The following TP73 variants were observed in gnomAD, a reference collection of about 807,000 sequenced individuals.
The protein encoded by TP73 is p53-like transcription factor.
A neutral mutation model predicts 62.5 loss-of-function variants in TP73; 25 were observed. The observed-to-expected ratio is 0.40, with a 90% CI of 0.29 to 0.56. TP73 has a LOEUF of 0.56. Ranked by LOEUF, TP73 falls within the 20% of genes least tolerant of loss-of-function variation. The pLI is 0.46. For synonymous variants in TP73, 423 were observed against 377.5 expected (o/e 1.12, Z -1.40); for missense variants, 754 against 913.3 (o/e 0.83, Z 2.25).
In TP73 at chr1:3,730,249, GTC is replaced by G. The variant is rs1642027330; in HGVS notation, c.1345+105_1345+106del. ...ACCCAGCTCGGGACCCAGGGCAGGT[GTC>G]TCTGTGGCTGGCTCCTTCCAGCGGT... On this transcript the variant is annotated intron_variant, in intron 11 of 13. Transcript: ENST00000378295. 3.8e-6 allele frequency: 5 copies of G among 1,324,282 alleles called. No individual in the cohort carries two copies. In the East Asian group the frequency reaches 1.3e-4, roughly 35 times the overall value. 82.0% of individuals were successfully genotyped at this position (1,324,282 alleles called of 1,614,324 possible).
At chr1:3,695,666 G>C (rs910491302) in intron 3 of TP73, among the ~76,000 whole-genome samples, 6 of 152,256 alleles carry the variant, frequency 3.9e-5, no homozygotes, top group African/African-American at 1.4e-4. Context: ...GCCCTGGGGC[G>C]GGGGGAAGCC....
chr1:3,705,954 G>A (rs1639588884), intron 3 of TP73, among the ~76,000 whole-genome samples: 1 of 152,234 alleles, frequency 6.6e-6, no homozygotes, highest in Non-Finnish European at 1.5e-5. Flanking sequence ...GCAGGAAGGG[G>A]CTGAGCCTGG....
Position 3,733,977 on chromosome 1 carries a change from C to T in TP73, c.*898C>T, listed in dbSNP as rs1451191396. On this transcript the variant is annotated 3_prime_UTR_variant, in exon 14 of 14. Coordinates refer to ENST00000378295, the MANE Select transcript of TP73 (RefSeq NM_005427.4). ...GCATTCTCTTTGGAGTTCAACCTAG[C>T]GCCCATGAGCCAGGCTGAGGAAGCT... is the stretch of plus-strand genomic sequence containing the variant. The T allele has an allele frequency of 3.4e-5, 5 of 148,318 alleles. No homozygotes were observed. In the East Asian group the frequency reaches 5.9e-4, roughly 17 times the overall value. 9.2% of individuals were successfully genotyped at this position (148,318 alleles called of 1,614,324 possible).
rs923973900 is a variant in TP73, at chr1:3,670,252, G to A, written c.-33-12081G>A. Among the ~76,000 whole-genome samples the A allele has an allele frequency of 1.4e-4, 21 of 152,006 alleles. No homozygotes were observed. Among genetic ancestry groups the A allele is most frequent in the African/African-American group, 4.4e-4 (18 of 41,368 alleles). On this transcript the variant is annotated intron_variant, in intron 1 of 13. Coordinates refer to ENST00000378295, the MANE Select transcript of TP73 (RefSeq NM_005427.4). This position sits in a 1 kb window ranked among gnomAD's most constrained non-coding sequence, Gnocchi z 5.9. Reference sequence around the variant, plus strand: ...GTAAGGCAGGGATGATGATGGGGCCGGGGGACCACATGGGCACAGGCTTCT... The same window carrying A: ...GTAAGGCAGGGATGATGATGGGGCCAGGGGACCACATGGGCACAGGCTTCT...
chr1:3,717,459 G>T (rs983648032), intron 4 of TP73, among the ~76,000 whole-genome samples: 2 of 152,268 alleles, frequency 1.3e-5, no homozygotes, highest in Non-Finnish European at 2.9e-5. Flanking sequence ...GCGGCTCCGT[G>T]TCAACAGCCG....
chr1:3,662,518 CAG>C lies in TP73; in HGVS notation c.-34+9880_-34+9881del, dbSNP rs540115655. 5.3e-5 allele frequency among the ~76,000 whole-genome samples: 8 copies of C among 152,320 alleles called. No individual in the cohort carries two copies. The East Asian group carries it at 1.5e-3, about 29-fold the overall frequency. On this transcript the variant is annotated intron_variant, in intron 1 of 13. Coordinates refer to ENST00000378295, the MANE Select transcript of TP73 (RefSeq NM_005427.4). The surrounding 1 kb of genome is among the most constrained non-coding windows in gnomAD (Gnocchi z 4.4). ...CGCGGACATGCGTCTCTCAGGCGAT[CAG>C]AGTTACCTGGAGCCGCTCTCCTCCC...
At chr1:3,680,028 T>G (rs1025927209) in intron 1 of TP73, among the ~76,000 whole-genome samples, 3 of 152,130 alleles carry the variant, frequency 2.0e-5, no homozygotes, top group Admixed American at 6.5e-5. Flanking sequence ...TCTCTCTCTC[T>G]GTCTCTCTCT....
intron 1 of TP73, among the ~76,000 whole-genome samples, chr1:3,653,964 A>G (rs1644812675): frequency 6.6e-6 from 1 of 152,214 alleles, no homozygotes; most frequent in Non-Finnish European, 1.5e-5. Flanking sequence ...ACCTGAGGTC[A>G]GGAGTTCGAG....
intron 4 of TP73, among the ~76,000 whole-genome samples, chr1:3,718,816 C>T (rs1411600718): frequency 4.6e-5 from 7 of 152,120 alleles, no homozygotes; most frequent in South Asian, 2.1e-4. Flanking sequence ...GAAGAAGCCT[C>T]GGGGGACTCA....
At chr1:3,715,287 C>T (rs745376427) in intron 4 of TP73, among the ~76,000 whole-genome samples, 4 of 152,032 alleles carry the variant, frequency 2.6e-5, no homozygotes, top group Admixed American at 1.3e-4. Context: ...TTCTGGAACC[C>T]GGGGTGACGC....
At chr1:3,657,616 G>A (rs1014861649) in intron 1 of TP73, among the ~76,000 whole-genome samples, 10 of 152,158 alleles carry the variant, frequency 6.6e-5, no homozygotes, top group African/African-American at 7.2e-5. Flanking sequence ...ACATTCTCCC[G>A]GACAAGGCGT....
At chr1:3,703,704 C>T (rs949934468) in intron 3 of TP73, among the ~76,000 whole-genome samples, 1 of 152,254 alleles carries the variant, frequency 6.6e-6, no homozygotes, top group African/African-American at 2.4e-5. Context: ...GGGCTTTTTG[C>T]CCCACTGGCT....
intron 7 of TP73, 107 bp from the exon 8 acceptor site, chr1:3,727,521 G>C (rs10910017): frequency 6.1e-6 from 9 of 1,468,844 alleles, no homozygotes; most frequent in Non-Finnish European, 7.3e-6. Flanking sequence ...TGTGGTGACC[G>C]AGGGCTCTCA....
chr1:3,702,491 C>CA (rs547390815), intron 3 of TP73, among the ~76,000 whole-genome samples: 9 of 151,566 alleles, frequency 5.9e-5, no homozygotes, highest in Middle Eastern at 3.4e-3. Flanking sequence ...CCCCAGCCCC[C>CA]AGCCCAGAGC....
At chr1:3,661,537 C>T (rs995523154) in intron 1 of TP73, among the ~76,000 whole-genome samples, 31 of 151,614 alleles carry the variant, frequency 2.0e-4, no homozygotes, top group South Asian at 1.2e-3. Context: ...GGCAAAACCC[C>T]GTCTCTACCA....
intron 6 of TP73, 58 bp downstream of exon 6, chr1:3,723,527 AGGGGT>A: frequency 1.3e-6 from 1 of 768,878 alleles, no homozygotes; most frequent in Non-Finnish European, 2.2e-6. Context: ...GGGTCGGGGG[AGGGGT>A]CCCCTGAGGC....
chr1:3,663,393 T>G lies in TP73; in HGVS notation c.-34+10752T>G, dbSNP rs1645038396. ...TCTGCATATTTTCCTCCTGGGTTTG[T>G]GGGGTGTGGACAGCACGGAGCGTGA... On this transcript the variant is annotated intron_variant, in intron 1 of 13. Coordinates refer to ENST00000378295, the MANE Select transcript of TP73 (RefSeq NM_005427.4). The surrounding 1 kb of genome is among the most constrained non-coding windows in gnomAD (Gnocchi z 4.7). 6.6e-6 allele frequency among the ~76,000 whole-genome samples: 1 copy of G among 152,034 alleles called. No homozygotes were observed. The highest frequency in any genetic ancestry group is 2.4e-5 in the African/African-American group (1 of 41,382).
chr1:3,705,468 C>T (rs968171540), intron 3 of TP73, among the ~76,000 whole-genome samples: 2 of 152,224 alleles, frequency 1.3e-5, no homozygotes, highest in African/African-American at 2.4e-5. Context: ...GTGGGCTCCC[C>T]AGGTTGACAG....
intron 3 of TP73, among the ~76,000 whole-genome samples, chr1:3,690,336 C>T (rs1645780976): frequency 6.6e-6 from 1 of 152,152 alleles, no homozygotes; most frequent in African/African-American, 2.4e-5. Flanking sequence ...TGCGCCCCAC[C>T]TGGGTGCCAA....
Sources: gnomAD v4.1 joint callset for allele counts (sites outside exome capture counted in the v4.1 genomes callset) on GRCh38, gnomAD v4.1.1 for gene constraint, Gnocchi (gnomAD v3.1) non-coding constraint, MANE v1.5 for transcripts, NCBI Gene and HGNC (gene_info 2026-07-23, HGNC 2026-07-21) for gene names.